FAM107B: variants seen among roughly 807,000 people sequenced by gnomAD.
FAM107B encodes the protein protein FAM107B.
FAM107B carries 21 observed loss-of-function variants against 31.5 expected under a neutral mutation model. The ratio of observed to expected loss-of-function variants is 0.67; its 90% CI spans 0.47 to 0.96. The LOEUF (loss-of-function observed/expected upper bound fraction) is 0.96. FAM107B is among the 40% of genes least tolerant of loss of function. FAM107B has a pLI of 0.00. For synonymous variants in FAM107B, 157 were observed against 141.5 expected (o/e 1.11, Z -0.78); for missense variants, 452 against 377.1 (o/e 1.20, Z -1.64).
At chr10:14,737,766 T>TTCTCTCTCTCTCTCTCTCTCTC (rs11276189) in intron 1 of FAM107B, among the ~76,000 whole-genome samples, 1,751 of 126,946 alleles carry the variant, frequency 0.014, 99 homozygotes, top group East Asian at 0.045. Flanking sequence ...CGTGCACGCT[T>TTCTCTCTCTCTCTCTCTCTCTC]TCTCTCTCTC....
chr10:14,565,839 G>A (rs780662429), intron 2 of FAM107B, among the ~76,000 whole-genome samples: 1 of 152,168 alleles, frequency 6.6e-6, no homozygotes. Context: ...TGTCTCAGGC[G>A]CTCAGAGGGC....
In FAM107B at chr10:14,519,735, A is replaced by G. The variant is rs547493020; in HGVS notation, c.*1455T>C. On this transcript the variant is annotated 3_prime_UTR_variant, in exon 5 of 5. Transcript: ENST00000181796. ...CTACTGTGCTAATTAAGGATTCAAA[A>G]GCTCTAGATCCAGCTTTCTATGAGT... The G allele has an allele frequency of 5.3e-5, 8 of 152,340 alleles. No homozygotes were observed. The highest frequency in any genetic ancestry group is 1.7e-4 in the African/African-American group (7 of 41,576). 9.4% of individuals were successfully genotyped at this position (152,340 alleles called of 1,614,324 possible). A position where few individuals can be genotyped will look rare whatever the true frequency, so the allele number is the denominator to read the frequency against.
At chr10:14,550,788 G>A (rs1173032064) in intron 2 of FAM107B, among the ~76,000 whole-genome samples, 1 of 152,092 alleles carries the variant, frequency 6.6e-6, no homozygotes, top group Non-Finnish European at 1.5e-5. Context: ...CCTTTTTCAA[G>A]TTCACATAAA....
At chr10:14,629,407 T>G (rs368814545) in intron 2 of FAM107B, among the ~76,000 whole-genome samples, 1 of 21,848 alleles carries the variant, frequency 4.6e-5, no homozygotes, top group South Asian at 8.8e-4. Flanking sequence ...TATTATATAT[T>G]TAATATATAT....
At chr10:14,700,311 C>T (rs779132337) in intron 1 of FAM107B, among the ~76,000 whole-genome samples, 1 of 152,034 alleles carries the variant, frequency 6.6e-6, no homozygotes, top group Non-Finnish European at 1.5e-5. Flanking sequence ...AAGCAAAAGC[C>T]AGGAGAGAGT....
chr10:14,698,867 C>G lies in FAM107B; in HGVS notation c.412-31176G>C, dbSNP rs566104968. On this transcript the variant is annotated intron_variant, in intron 1 of 4. Coordinates refer to ENST00000181796, the MANE Select transcript of FAM107B (RefSeq NM_031453.4). ...CAGTATTTGCCATTGAAAGTAATGG[C>G]AAAACCCACGATTACTTTTCAGCAG... 4.7e-4 allele frequency among the ~76,000 whole-genome samples: 71 copies of G among 152,276 alleles called. No individual in the cohort carries two copies. The South Asian group carries it at 0.014, about 29-fold the overall frequency.
chr10:14,580,507 T>C (rs2131303142), intron 2 of FAM107B, among the ~76,000 whole-genome samples: 1 of 152,218 alleles, frequency 6.6e-6, no homozygotes, highest in South Asian at 2.1e-4. Context: ...GTACATACTA[T>C]ACATTCTTAG....
intron 1 of FAM107B, among the ~76,000 whole-genome samples, chr10:14,671,905 C>CAAAAAAAAAAA (rs1564621080): frequency 7.3e-6 from 1 of 137,714 alleles, no homozygotes; most frequent in African/African-American, 2.9e-5. Flanking sequence ...AAAAAAAAAC[C>CAAAAAAAAAAA]CTCTATTTCT....
chr10:14,534,503 T>C (rs1244217906), intron 2 of FAM107B, among the ~76,000 whole-genome samples: 1 of 152,160 alleles, frequency 6.6e-6, no homozygotes, highest in African/African-American at 2.4e-5. Context: ...AGGCAACTCT[T>C]GCGTCTCACA....
At chr10:14,623,489 A>G (rs999900523) in intron 2 of FAM107B, among the ~76,000 whole-genome samples, 5 of 152,214 alleles carry the variant, frequency 3.3e-5, no homozygotes, top group African/African-American at 9.6e-5. Flanking sequence ...GGAAGCACAC[A>G]TATTCAGAGG....
intron 2 of FAM107B, among the ~76,000 whole-genome samples, chr10:14,543,960 T>C (rs1848475680): frequency 6.6e-6 from 1 of 152,112 alleles, no homozygotes; most frequent in African/African-American, 2.4e-5. Context: ...CTCCATTCAC[T>C]CACCCCTGTT....
intron 1 of FAM107B, among the ~76,000 whole-genome samples, chr10:14,713,095 C>T (rs997956984): frequency 5.3e-5 from 8 of 152,168 alleles, no homozygotes; most frequent in African/African-American, 1.9e-4. Flanking sequence ...TTTAGAATCA[C>T]ACTCAAATCC....
intron 1 of FAM107B, among the ~76,000 whole-genome samples, chr10:14,720,727 C>T (rs1855891049): frequency 6.6e-6 from 1 of 152,290 alleles, no homozygotes; most frequent in East Asian, 1.9e-4. Flanking sequence ...CCCAGGCAAA[C>T]ATTTGAAGAA....
chr10:14,625,262 G>A (rs1003637784), intron 2 of FAM107B, among the ~76,000 whole-genome samples: 1 of 52,344 alleles, frequency 1.9e-5, no homozygotes, highest in Non-Finnish European at 6.2e-5. Context: ...GTGCGTGCGT[G>A]TGTGTGTGTG....
chr10:14,549,781 C>T lies in FAM107B; in HGVS notation c.470-19266G>A, dbSNP rs535954793. On this transcript the variant is annotated intron_variant, in intron 2 of 4. Transcript: ENST00000181796. ...AAACCCAGAAACTCGAAGTGATCTCCCCACAGGACTCAGCTGAAGCCTTTC... is the reference window on the plus strand; with the variant it reads ...AAACCCAGAAACTCGAAGTGATCTCTCCACAGGACTCAGCTGAAGCCTTTC... 3.9e-5 allele frequency among the ~76,000 whole-genome samples: 6 copies of T among 152,214 alleles called. No individual in the cohort carries two copies. In the East Asian group the frequency reaches 9.7e-4, roughly 25 times the overall value.
intron 2 of FAM107B, among the ~76,000 whole-genome samples, chr10:14,603,365 C>T (rs1454594105): frequency 2.0e-5 from 3 of 152,178 alleles, no homozygotes; most frequent in Non-Finnish European, 4.4e-5. Context: ...AGCCCTCATT[C>T]CGTTTTTCTT....
intron 1 of FAM107B, among the ~76,000 whole-genome samples, chr10:14,679,408 G>A (rs933918950): frequency 1.3e-5 from 2 of 150,412 alleles, no homozygotes; most frequent in African/African-American, 2.4e-5. Flanking sequence ...TGGGATTACA[G>A]GCATGAACCA....
intron 2 of FAM107B, among the ~76,000 whole-genome samples, chr10:14,553,937 G>A (rs974466998): frequency 6.6e-6 from 1 of 152,120 alleles, no homozygotes; most frequent in African/African-American, 2.4e-5. Context: ...CAAACAGGCT[G>A]ACTCGTTTTA....
At chr10:14,762,131 C>T (rs1012036985) in intron 1 of FAM107B, among the ~76,000 whole-genome samples, 1 of 151,592 alleles carries the variant, frequency 6.6e-6, no homozygotes, top group East Asian at 1.9e-4. Context: ...TGTCTTCTGC[C>T]GCCATCCCTA....
Sources: gnomAD v4.1 joint callset for allele counts (sites outside exome capture counted in the v4.1 genomes callset) on GRCh38, gnomAD v4.1.1 for gene constraint, MANE v1.5 for transcripts, NCBI Gene and HGNC (gene_info 2026-07-23, HGNC 2026-07-21) for gene names.